The following SEMA5A variants were observed in gnomAD, a reference collection of about 807,000 sequenced individuals.
SEMA5A encodes the protein semaphorin-5A.
In SEMA5A, 55 loss-of-function variants were observed where a neutral mutation model predicts 135.5. The ratio of observed to expected loss-of-function variants is 0.41; its 90% CI spans 0.33 to 0.51. The LOEUF (loss-of-function observed/expected upper bound fraction) is 0.51, where lower values mean the gene tolerates loss of function less well. SEMA5A is among the 20% of genes least tolerant of loss of function. The pLI is 0.37. For missense variants in SEMA5A, 1,290 were observed against 1,419.9 expected, an observed-to-expected ratio of 0.91 and a Z score of 1.47; for synonymous variants, 580 against 546.5, an observed-to-expected ratio of 1.06 and a Z score of -0.85.
At chr5:9,377,548 AAGAG>A (rs1050304016) in intron 3 of SEMA5A, among the ~76,000 whole-genome samples, 5 of 152,200 alleles carry the variant, frequency 3.3e-5, no homozygotes, top group South Asian at 2.1e-4. Context: ...ACAAAAAAAA[AAGAG>A]AGAGAAAAAA....
At chr5:9,376,585 A>G (rs1198891227) in intron 3 of SEMA5A, among the ~76,000 whole-genome samples, 1 of 152,166 alleles carries the variant, frequency 6.6e-6, no homozygotes. Flanking sequence ...TTTGGTTCAC[A>G]TTCCTAAAAA....
At chr5:9,356,045 G>A (rs1754428968) in intron 3 of SEMA5A, among the ~76,000 whole-genome samples, 2 of 152,012 alleles carry the variant, frequency 1.3e-5, no homozygotes, top group African/African-American at 4.8e-5. Flanking sequence ...CTTCCCAATT[G>A]GATTCTGTTT....
At chr5:9,368,241 G>C (rs752624180) in intron 3 of SEMA5A, among the ~76,000 whole-genome samples, 1 of 152,156 alleles carries the variant, frequency 6.6e-6, no homozygotes, top group East Asian at 1.9e-4. Flanking sequence ...ACATTGTAAA[G>C]TTCTCACATA....
intron 3 of SEMA5A, among the ~76,000 whole-genome samples, chr5:9,359,945 T>A (rs1429678622): frequency 6.6e-6 from 1 of 152,206 alleles, no homozygotes; most frequent in Non-Finnish European, 1.5e-5. Flanking sequence ...TCTCCTAAGG[T>A]TGTCTAATAG....
At chr5:9,163,339 T>A (rs1336369311) in intron 11 of SEMA5A, among the ~76,000 whole-genome samples, 1 of 152,148 alleles carries the variant, frequency 6.6e-6, no homozygotes, top group Non-Finnish European at 1.5e-5. Flanking sequence ...GCCCCTTAAA[T>A]CACTATTTGC....
At chr5:9,449,404 T>C (rs1220293124) in intron 1 of SEMA5A, among the ~76,000 whole-genome samples, 1 of 151,988 alleles carries the variant, frequency 6.6e-6, no homozygotes, top group Non-Finnish European at 1.5e-5. Context: ...ACAACATACC[T>C]TGGGACCTGT....
chr5:9,224,961 C>T, intron 7 of SEMA5A, 74 bp from the exon 8 acceptor site: 2 of 1,382,950 alleles, frequency 1.4e-6, no homozygotes, highest in Non-Finnish European at 2.0e-6. Flanking sequence ...GTCACACCCA[C>T]CATCATCACA....
chr5:9,316,129 C>T (rs1215168966), intron 5 of SEMA5A, among the ~76,000 whole-genome samples: 1 of 152,058 alleles, frequency 6.6e-6, no homozygotes, highest in East Asian at 1.9e-4. Flanking sequence ...TATAATCTAC[C>T]TCTGGCATTA....
At chr5:9,130,495 A>G (rs1741349093) in intron 13 of SEMA5A, among the ~76,000 whole-genome samples, 1 of 152,174 alleles carries the variant, frequency 6.6e-6, no homozygotes, top group Non-Finnish European at 1.5e-5. Flanking sequence ...ACTAAGCTGA[A>G]GCACTGTGCA....
chr5:9,351,503 G>T (rs1272719601), intron 3 of SEMA5A, among the ~76,000 whole-genome samples: 1 of 150,384 alleles, frequency 6.6e-6, no homozygotes, highest in Non-Finnish European at 1.5e-5. Context: ...GAAGTTTATT[G>T]CCTTATGTAT....
intron 3 of SEMA5A, among the ~76,000 whole-genome samples, chr5:9,344,620 C>G (rs1419409882): frequency 6.6e-6 from 1 of 152,020 alleles, no homozygotes; most frequent in African/African-American, 2.4e-5. Context: ...AGCAAGAAGT[C>G]CAGGGGAAAG....
At chr5:9,158,821 GAC>G (rs1284305298) in intron 11 of SEMA5A, among the ~76,000 whole-genome samples, 1 of 152,094 alleles carries the variant, frequency 6.6e-6, no homozygotes, top group Non-Finnish European at 1.5e-5. Flanking sequence ...TTATTCAAAA[GAC>G]ACAAATACTT....
In SEMA5A at chr5:9,447,908, A is replaced by G. The variant is rs1337409399; in HGVS notation, c.-174-10056T>C. On this transcript the variant is annotated intron_variant, in intron 1 of 22. Transcript: ENST00000382496. ...ACATGGAACAGTTTCACTAATATGT[A>G]AAAGCACCCATGCCAGCTGCCTTTG... 4.3e-4 allele frequency among the ~76,000 whole-genome samples: 66 copies of G among 152,194 alleles called. 2 individuals are homozygous for G. Among genetic ancestry groups the G allele is most frequent in the Admixed American group, 4.3e-3 (66 of 15,284 alleles).
chr5:9,503,820 T>G (rs1579646633), intron 1 of SEMA5A, among the ~76,000 whole-genome samples: 2 of 152,294 alleles, frequency 1.3e-5, no homozygotes, highest in Admixed American at 6.5e-5. Context: ...AACCCAAAGA[T>G]TTGGCATCAT....
rs1755539880 is a variant in SEMA5A at position 9,380,233 on chromosome 5, C to G, written c.-77-210G>C. The G allele has an allele frequency of 1.8e-5, 6 of 325,972 alleles. No homozygotes were observed. In the South Asian group the frequency reaches 3.8e-4, roughly 20 times the overall value. The allele number at this position is 325,972 out of a possible 1,614,324, so 20.2% of individuals were successfully genotyped here. On this transcript the variant is annotated intron_variant, in intron 2 of 22. Coordinates refer to ENST00000382496, the MANE Select transcript of SEMA5A (RefSeq NM_003966.3). ...GTGAGTGCGTGTATCTCAATACAGA[C>G]CTCTCATTCTCCCAATAATTGCATG...
intron 11 of SEMA5A, among the ~76,000 whole-genome samples, chr5:9,161,473 G>C (rs971103629): frequency 2.0e-5 from 3 of 152,008 alleles, no homozygotes; most frequent in African/African-American, 7.2e-5. Flanking sequence ...TTAACCCAAG[G>C]TTTCCAAAAA....
At chr5:9,098,784 C>T (rs192026476) in intron 16 of SEMA5A, among the ~76,000 whole-genome samples, 1 of 152,238 alleles carries the variant, frequency 6.6e-6, no homozygotes, top group African/African-American at 2.4e-5. Context: ...TGTGTCTCCA[C>T]ATATAAGTTC....
intron 4 of SEMA5A, among the ~76,000 whole-genome samples, chr5:9,323,434 G>T (rs1400406069): frequency 6.6e-6 from 1 of 151,844 alleles, no homozygotes; most frequent in Non-Finnish European, 1.5e-5. Flanking sequence ...AGTATAAATT[G>T]ATGTAATAAG....
At chr5:9,426,163 C>G (rs1054921553) in intron 2 of SEMA5A, among the ~76,000 whole-genome samples, 1 of 152,054 alleles carries the variant, frequency 6.6e-6, no homozygotes, top group African/African-American at 2.4e-5. Context: ...TGTGGCCGGG[C>G]GCAGTGGCTC....
Sources: allele counts gnomAD v4.1 joint callset (sites outside exome capture counted in the v4.1 genomes callset), GRCh38; gene constraint gnomAD v4.1.1; transcripts MANE v1.5; gene names NCBI Gene and HGNC (gene_info 2026-07-23, HGNC 2026-07-21).